KLHL3: variants seen among roughly 807,000 people sequenced by gnomAD.
The protein encoded by KLHL3 is kelch-like protein 3.
A neutral mutation model predicts 70.5 loss-of-function variants in KLHL3; 19 were observed. The ratio of observed to expected loss-of-function variants is 0.27; its 90% confidence interval spans 0.19 to 0.40. The LOEUF is 0.40. Among genes scored for constraint, KLHL3 ranks in the 10% least tolerant of loss-of-function variants. KLHL3 has a pLI of 1.00. For missense variants in KLHL3, 512 were observed against 771.1 expected, an observed-to-expected ratio of 0.66 and a Z score of 3.98; for synonymous variants, 258 against 290.3, an observed-to-expected ratio of 0.89 and a Z score of 1.13.
intron 5 of KLHL3, among the ~76,000 whole-genome samples, chr5:137,682,403 T>TAGAGAGAGGGAGAGAGAGAGAGAGAGAG (rs1752049533): frequency 1.5e-5 from 2 of 133,374 alleles, no homozygotes; most frequent in Non-Finnish European, 3.3e-5. Flanking sequence ...GTGCTGGACA[T>TAGAGAGAGGGAGAGAGAGAGAGAGAGAG]AGAGAGAGAG....
intron 2 of KLHL3, among the ~76,000 whole-genome samples, chr5:137,716,428 C>T (rs1333463695): frequency 1.3e-5 from 2 of 152,134 alleles, no homozygotes; most frequent in Non-Finnish European, 2.9e-5. Flanking sequence ...AAGGTTACAG[C>T]CTGCAGGGTG....
At chr5:137,657,327 C>T (rs1358474817) in intron 8 of KLHL3, among the ~76,000 whole-genome samples, 2 of 152,202 alleles carry the variant, frequency 1.3e-5, no homozygotes, top group South Asian at 4.1e-4. Context: ...TCCCACCTTT[C>T]CTCCTGGGTT....
intron 4 of KLHL3, among the ~76,000 whole-genome samples, chr5:137,695,804 C>T (rs1752432779): frequency 6.6e-6 from 1 of 152,194 alleles, no homozygotes; most frequent in South Asian, 2.1e-4. Context: ...AGGTCCTCAG[C>T]TCTGAAGCAA....
At chr5:137,623,971 T>C (rs1252878016) in intron 14 of KLHL3, among the ~76,000 whole-genome samples, 1 of 152,232 alleles carries the variant, frequency 6.6e-6, no homozygotes, top group Non-Finnish European at 1.5e-5. Flanking sequence ...CAGGACTATA[T>C]GCGTGAGTTC....
At chr5:137,715,138 G>T (rs1217106046) in intron 2 of KLHL3, among the ~76,000 whole-genome samples, 1 of 152,196 alleles carries the variant, frequency 6.6e-6, no homozygotes, top group East Asian at 1.9e-4. Context: ...TCTGGCCACA[G>T]CAGAGCAACA....
At chr5:137,645,815 A>C (rs529104773) in intron 8 of KLHL3, among the ~76,000 whole-genome samples, 2 of 152,114 alleles carry the variant, frequency 1.3e-5, no homozygotes, top group South Asian at 4.2e-4. Flanking sequence ...TCTAAAACTC[A>C]TATGGGAATA....
At chr5:137,699,819 C>T (rs1376252270) in intron 3 of KLHL3, among the ~76,000 whole-genome samples, 2 of 152,180 alleles carry the variant, frequency 1.3e-5, no homozygotes, top group Non-Finnish European at 2.9e-5. Flanking sequence ...TGTTTTCTCT[C>T]TGTGGAATTC....
chr5:137,691,588 G>A (rs950865189), intron 5 of KLHL3, among the ~76,000 whole-genome samples: 1 of 149,724 alleles, frequency 6.7e-6, no homozygotes, highest in African/African-American at 2.5e-5. Flanking sequence ...ACTCCTCATC[G>A]TTATAAGCCC....
intron 8 of KLHL3, among the ~76,000 whole-genome samples, chr5:137,646,712 T>C (rs146168936): frequency 1.8e-4 from 28 of 152,298 alleles, no homozygotes; most frequent in Non-Finnish European, 3.4e-4. Flanking sequence ...TTTCTTTCTT[T>C]CCCCAACACT....
At chr5:137,671,192 G>C (rs909148621) in intron 6 of KLHL3, among the ~76,000 whole-genome samples, 3 of 151,972 alleles carry the variant, frequency 2.0e-5, no homozygotes, top group African/African-American at 7.3e-5. Flanking sequence ...CCCCAGGTAC[G>C]AGCTATTCCA....
intron 8 of KLHL3, 132 bp from the exon 9 acceptor site, chr5:137,640,109 A>G (rs1750875317): frequency 5.6e-6 from 4 of 715,330 alleles, no homozygotes; most frequent in East Asian, 2.5e-5. Context: ...AGCTACATAC[A>G]TGGGGATGCT....
At chr5:137,636,155 A>G (rs889412689) in intron 11 of KLHL3, among the ~76,000 whole-genome samples, 7 of 152,224 alleles carry the variant, frequency 4.6e-5, no homozygotes, top group African/African-American at 1.7e-4. Context: ...TTGCCCTCAC[A>G]TAGATGACTT....
chr5:137,703,674 T>C (rs191448088), intron 3 of KLHL3, among the ~76,000 whole-genome samples: 1 of 152,210 alleles, frequency 6.6e-6, no homozygotes, highest in East Asian at 1.9e-4. Flanking sequence ...CAAGGTTGTG[T>C]GAGAATCAAA....
chr5:137,631,709 G>A (rs1336657820), intron 12 of KLHL3, among the ~76,000 whole-genome samples: 2 of 152,196 alleles, frequency 1.3e-5, no homozygotes, highest in Admixed American at 1.3e-4. Context: ...GCTGCAGTGA[G>A]GATTAAATGG....
chr5:137,679,583 G>C (rs2967793), intron 5 of KLHL3, among the ~76,000 whole-genome samples: 29,341 of 152,148 alleles, frequency 0.19, 3,078 homozygotes, highest in African/African-American at 0.26. Flanking sequence ...CTTAGATTTT[G>C]AAAGGGAAGA....
In KLHL3 at chr5:137,711,926, G is replaced by A. The variant is rs144808502; in HGVS notation, c.135-2070C>T. Among the ~76,000 whole-genome samples the A allele has an allele frequency of 7.8e-3, 1,187 of 151,938 alleles. 19 individuals carry two copies. The highest frequency in any genetic ancestry group is 0.027 in the African/African-American group (1,118 of 41,404). On this transcript the variant is annotated intron_variant, in intron 2 of 14. Transcript: ENST00000309755. The stretch of plus-strand genomic sequence containing the variant: ...AACCACACTTTGGGAGGCTGAGGAA[G>A]GCAGATCACTTCAGGCCAGGAGTTT...
chr5:137,664,630 A>C (rs1751567887), intron 6 of KLHL3, among the ~76,000 whole-genome samples: 1 of 150,244 alleles, frequency 6.7e-6, no homozygotes, highest in South Asian at 2.1e-4. Context: ...CAGCCTGAGA[A>C]ACTTAGCAAG....
chr5:137,720,406 T>C, intron 2 of KLHL3, 59 bp downstream of exon 2: 1 of 1,604,622 alleles, frequency 6.2e-7, no homozygotes, highest in Non-Finnish European at 8.5e-7. Flanking sequence ...TTCTCAGTCC[T>C]TGATGAAGCT....
In KLHL3 at chr5:137,668,441, A is replaced by G. The variant is rs371920890; in HGVS notation, c.637-6410T>C. 2.4e-4 allele frequency among the ~76,000 whole-genome samples: 37 copies of G among 152,222 alleles called. No homozygotes were observed. In the East Asian group the frequency reaches 7.1e-3, roughly 29 times the overall value. ...AACAAACAAAAAAAACCCTGGGCAG[A>G]CTGTTGAGTTGGGGAACTAACTTCC... On this transcript the variant is annotated intron_variant, in intron 6 of 14. Coordinates refer to ENST00000309755, the MANE Select transcript of KLHL3 (RefSeq NM_017415.3).
Sources: allele counts gnomAD v4.1 joint callset (sites outside exome capture counted in the v4.1 genomes callset), GRCh38; gene constraint gnomAD v4.1.1; transcripts MANE v1.5; gene names NCBI Gene and HGNC (gene_info 2026-07-23, HGNC 2026-07-21).